Variants in ZNF529 observed in about 807,000 individuals in gnomAD.
ZNF529 encodes zinc finger protein 529.
ZNF529 carries 11 observed loss-of-function variants against 10.1 expected under a neutral mutation model. The observed-to-expected ratio is 1.09, with a 90% CI of 0.69 to 1.81. The LOEUF is 1.81. Among genes scored for constraint, ZNF529 ranks in the 40% most tolerant of loss-of-function variants. The pLI is 0.00. For synonymous variants in ZNF529, 204 were observed against 215.7 expected, an observed-to-expected ratio of 0.95 and a Z score of 0.47; for missense variants, 624 against 666.8, an observed-to-expected ratio of 0.94 and a Z score of 0.71.
chr19:36,559,084 C>A (rs918287490), intron 2 of ZNF529, among the ~76,000 whole-genome samples: 2 of 151,984 alleles, frequency 1.3e-5, no homozygotes, highest in Admixed American at 6.6e-5. Context: ...AATGAAATAT[C>A]ACCTCACACC....
In ZNF529 at chr19:36,563,925, C is replaced by G. The variant is rs193218395; in HGVS notation, c.15-7728G>C. 3.2e-4 allele frequency among the ~76,000 whole-genome samples: 48 copies of G among 152,244 alleles called. 1 individual carries two copies. Among genetic ancestry groups the G allele is most frequent in the Admixed American group, 7.8e-4 (12 of 15,290 alleles). ...ACGCAATGGTTTGGAAACAGACACACAGACCAATGGAATAGAATAGAGGAC... is the reference window on the plus strand; with the variant it reads ...ACGCAATGGTTTGGAAACAGACACAGAGACCAATGGAATAGAATAGAGGAC... On this transcript the variant is annotated intron_variant, in intron 2 of 4. Transcript: ENST00000591340.
rs2035027152 is a variant in ZNF529 at position 36,546,506 on chromosome 19, C to T, written c.*360G>A. 5.4e-6 allele frequency: 1 copy of T among 183,824 alleles called. No individual in the cohort carries two copies. The highest frequency in any genetic ancestry group is 2.4e-5 in the African/African-American group (1 of 42,070). The allele number at this position is 183,824 out of a possible 1,614,324, so 11.4% of individuals were successfully genotyped here. ...GGAAAATAAGTAAGTATAGATATCA[C>T]AAGCAAAGAATTACAATGCAGAAAA... On this transcript the variant is annotated 3_prime_UTR_variant, in exon 5 of 5. Transcript: ENST00000591340.
intron 2 of ZNF529, chr19:36,587,499 C>T (rs969602892): frequency 6.6e-6 from 1 of 152,158 alleles, no homozygotes; most frequent in Non-Finnish European, 1.5e-5. Flanking sequence ...ATCTCCAGTT[C>T]TGCTCCTCAG....
At position 36,546,979 on chromosome 19, in the gene ZNF529, T is replaced by C. The variant is rs372917053; in HGVS notation, c.1579A>G (p.Ile527Val). The change falls in exon 5 of 5, where the codon ATT (isoleucine) becomes GTT (valine). Residue 527 changes from isoleucine (I) to valine (V), a missense_variant. Ile to Val is a conservative substitution (Grantham distance 29). Transcript: ENST00000591340. ...TCATAGGGTTTATCATCAGTATGAA[T>C]GCGCTGATGTTTGGTAAAGGATGAA... is the stretch of plus-strand genomic sequence containing the variant. ...HSSSFTKHQR[I>V]HTDDKPYECK... The C allele has an allele frequency of 1.4e-5, 23 of 1,614,032 alleles. No homozygotes were observed. The highest frequency in any genetic ancestry group is 4.5e-5 in the East Asian group (2 of 44,878).
In ZNF529 at chr19:36,554,901, G is replaced by A. The variant is rs1208566161; in HGVS notation, c.109-105C>T. 3.6e-5 allele frequency: 36 copies of A among 1,004,302 alleles called. No individual in the cohort carries two copies. The East Asian group carries it at 1.2e-3, about 33-fold the overall frequency. 62.2% of individuals were successfully genotyped at this position (1,004,302 alleles called of 1,614,324 possible). A position where few individuals can be genotyped will look rare whatever the true frequency, so the allele number is the denominator to read the frequency against. ...GCAAGGGGATTGGACAGTAAACAAG[G>A]AGGCCAAAAGAAGACTGTGACATGG... On this transcript the variant is annotated intron_variant, in intron 3 of 4. Coordinates refer to ENST00000591340, the MANE Select transcript of ZNF529 (RefSeq NM_020951.5).
At chr19:36,601,742 T>C (rs1177558028) in intron 1 of ZNF529, among the ~76,000 whole-genome samples, 6 of 152,132 alleles carry the variant, frequency 3.9e-5, no homozygotes, top group Admixed American at 3.9e-4. Flanking sequence ...ATATTGAGTA[T>C]ATTGCCCAAA....
upstream of ZNF529, chr19:36,574,929 C>G: frequency 2.1e-6 from 1 of 470,674 alleles, no homozygotes; most frequent in South Asian, 1.5e-5. Context: ...TTCCAAGAAG[C>G]TGATAAGCCT....
intron 2 of ZNF529, among the ~76,000 whole-genome samples, chr19:36,569,399 G>T (rs1002109340): frequency 1.3e-5 from 2 of 151,992 alleles, no homozygotes; most frequent in African/African-American, 4.8e-5. Flanking sequence ...GGAAAACAGA[G>T]AAAGAACTAA....
chr19:36,585,208 G>T (rs958190069), intron 2 of ZNF529, among the ~76,000 whole-genome samples: 8 of 152,166 alleles, frequency 5.3e-5, no homozygotes. Context: ...AAAGACTCAG[G>T]CCTATCAGTT....
chr19:36,599,612 GATA>G (rs1342169683), intron 1 of ZNF529, among the ~76,000 whole-genome samples: 1 of 152,142 alleles, frequency 6.6e-6, no homozygotes, highest in Non-Finnish European at 1.5e-5. Context: ...ACATTTTCTA[GATA>G]ATAAAACTAT....
In ZNF529 at chr19:36,554,626, G is replaced by C. The variant is rs1407748384; in HGVS notation, c.235+44C>G. ...TGAGTTCACTGAATATCAGTTGATA[G>C]TCTAGAGAGTATATTCTAAGTTATT... On this transcript the variant is annotated intron_variant, in intron 4 of 4. Transcript: ENST00000591340. The C allele has an allele frequency of 3.4e-6, 5 of 1,460,180 alleles. No individual in the cohort carries two copies. The African/African-American group carries it at 4.3e-5, about 12-fold the overall frequency. 90.5% of individuals were successfully genotyped at this position (1,460,180 alleles called of 1,614,324 possible). A position where few individuals can be genotyped will look rare whatever the true frequency, so the allele number is the denominator to read the frequency against.
intron 1 of ZNF529, among the ~76,000 whole-genome samples, chr19:36,591,436 G>A (rs577371202): frequency 2.3e-4 from 35 of 151,846 alleles, no homozygotes; most frequent in Non-Finnish European, 4.4e-4. Flanking sequence ...TAAGGAAATT[G>A]AGGCCAGACG....
chr19:36,581,554 T>G (rs2036463704), intron 2 of ZNF529: 1 of 152,184 alleles, frequency 6.6e-6, no homozygotes, highest in African/African-American at 2.4e-5. Context: ...CACACGGACA[T>G]GTGACCCCCA....
rs2035665203 is a variant in ZNF529, at chr19:36,560,874, A to G, written c.15-4677T>C. On this transcript the variant is annotated intron_variant, in intron 2 of 4. Coordinates refer to ENST00000591340, the MANE Select transcript of ZNF529 (RefSeq NM_020951.5). ...CTCAGAGTAAAATGTGAGAAGAAAC[A>G]ATACAAAGATGGGATTTATAACACG... is the stretch of plus-strand genomic sequence containing the variant. Among the ~76,000 whole-genome samples, 3 of 152,224 alleles carry G rather than the reference A, an allele frequency of 2.0e-5. No individual in the cohort carries two copies. In the South Asian group the frequency reaches 6.2e-4, roughly 32 times the overall value.
intron 2 of ZNF529, among the ~76,000 whole-genome samples, chr19:36,566,857 T>TA (rs1600296636): frequency 6.6e-6 from 1 of 151,874 alleles, no homozygotes; most frequent in East Asian, 1.9e-4. Context: ...CCATCTCTAC[T>TA]AAAAATACAA....
intron 2 of ZNF529, among the ~76,000 whole-genome samples, chr19:36,564,721 T>C (rs2035834130): frequency 6.6e-6 from 1 of 152,112 alleles, no homozygotes; most frequent in Non-Finnish European, 1.5e-5. Flanking sequence ...AGAACAACCA[T>C]TTGACTCAGC....
chr19:36,558,759 A>G lies in ZNF529; in HGVS notation c.15-2562T>C, dbSNP rs189590420. 2.6e-5 allele frequency among the ~76,000 whole-genome samples: 4 copies of G among 152,244 alleles called. No individual in the cohort carries two copies. The East Asian group carries it at 7.7e-4, about 29-fold the overall frequency. ...TAAAATATAACACCAAAAGCACCGG[A>G]AACAAAAGCAAAAACAAAGAAATGG... On this transcript the variant is annotated intron_variant, in intron 2 of 4. Coordinates refer to ENST00000591340, the MANE Select transcript of ZNF529 (RefSeq NM_020951.5).
chr19:36,598,768 C>G (rs971950880), intron 1 of ZNF529, among the ~76,000 whole-genome samples: 1 of 152,046 alleles, frequency 6.6e-6, no homozygotes, highest in African/African-American at 2.4e-5. Context: ...TAATAAGTAC[C>G]TAAAAATCAC....
intron 1 of ZNF529, among the ~76,000 whole-genome samples, chr19:36,603,767 A>C (rs1322286421): frequency 6.6e-6 from 1 of 152,202 alleles, no homozygotes; most frequent in East Asian, 1.9e-4. Flanking sequence ...TCATAAAGAA[A>C]AGTCAGGTTC....
Sources: gnomAD v4.1 joint callset for allele counts (sites outside exome capture counted in the v4.1 genomes callset) on GRCh38, gnomAD v4.1.1 for gene constraint, MANE v1.5 for transcripts, NCBI Gene and HGNC (gene_info 2026-07-23, HGNC 2026-07-21) for gene names.